Variants in EVL observed in about 807,000 individuals in gnomAD.
EVL encodes the protein ena/VASP-like protein.
EVL carries 21 observed loss-of-function variants against 59.6 expected under a neutral mutation model. The observed-to-expected ratio is 0.35, with a 90% CI of 0.25 to 0.51. The LOEUF is 0.51. Ranked by LOEUF, EVL falls within the 20% of genes least tolerant of loss-of-function variation. EVL has a pLI of 0.97. For missense variants in EVL, 462 were observed against 546.6 expected, an observed-to-expected ratio of 0.85 and a Z score of 1.54; for synonymous variants, 198 against 203.5, an observed-to-expected ratio of 0.97 and a Z score of 0.23.
intron 1 of EVL, among the ~76,000 whole-genome samples, chr14:100,081,919 GTAAAACCCTGTCTCTACTAAAATT>G (rs1394184385): frequency 1.3e-5 from 2 of 152,210 alleles, no homozygotes; most frequent in African/African-American, 4.8e-5. Flanking sequence ...GGGCAACATG[GTAAAACCCTGTCTCTACTAAAATT>G]TAAAACCCTG....
chr14:100,012,391 G>A (rs911607057), intron 1 of EVL, among the ~76,000 whole-genome samples: 2 of 152,144 alleles, frequency 1.3e-5, no homozygotes, highest in African/African-American at 2.4e-5. Flanking sequence ...TTTATTGAAT[G>A]TATGTATTTG....
chr14:99,985,780 A>T (rs1339294426), intron 1 of EVL, among the ~76,000 whole-genome samples: 1 of 152,056 alleles, frequency 6.6e-6, no homozygotes, highest in Non-Finnish European at 1.5e-5. Context: ...AAAGAAAAAA[A>T]AAAAAAAGTC....
At chr14:100,019,093 G>A (rs2061077607) in intron 1 of EVL, among the ~76,000 whole-genome samples, 1 of 152,222 alleles carries the variant, frequency 6.6e-6, no homozygotes, top group African/African-American at 2.4e-5. Flanking sequence ...ATGCATTTGT[G>A]CTAAAATAGT....
At chr14:100,044,374 T>C (rs1046456364) in intron 1 of EVL, among the ~76,000 whole-genome samples, 7 of 152,210 alleles carry the variant, frequency 4.6e-5, no homozygotes, top group Non-Finnish European at 8.8e-5. Flanking sequence ...GTATTTCTTA[T>C]ACAGAGATTT....
intron 1 of EVL, among the ~76,000 whole-genome samples, chr14:100,083,900 A>G (rs538726082): frequency 2.6e-5 from 4 of 152,304 alleles, no homozygotes; most frequent in Admixed American, 1.3e-4. Context: ...TCCCCAGTGT[A>G]ATCACTGAAT....
chr14:100,079,938 A>G (rs1026530733), intron 1 of EVL, among the ~76,000 whole-genome samples: 1 of 152,154 alleles, frequency 6.6e-6, no homozygotes, highest in Non-Finnish European at 1.5e-5. Context: ...GGCATGTTCC[A>G]TCACACCCAG....
intron 1 of EVL, among the ~76,000 whole-genome samples, chr14:100,033,525 T>A (rs1023569620): frequency 2.0e-5 from 3 of 152,244 alleles, no homozygotes; most frequent in African/African-American, 4.8e-5. Flanking sequence ...TTTGTTTTCA[T>A]CATTCCATAG....
Position 100,127,516 on chromosome 14 carries a change from C to G in EVL, c.487+745C>G, listed in dbSNP as rs1162637593. Among the ~76,000 whole-genome samples the G allele has an allele frequency of 1.3e-5, 2 of 152,188 alleles. No individual in the cohort carries two copies. ...CTGCTGCTGGCCTCCTGCTCCCCGG[C>G]CAGTCTGCATTTCTGATGCAGGTCT... is the stretch of plus-strand genomic sequence containing the variant. On this transcript the variant is annotated intron_variant, in intron 5 of 13. Coordinates refer to ENST00000392920, the MANE Select transcript of EVL (RefSeq NM_016337.3). The surrounding 1 kb of genome is among the most constrained non-coding windows in gnomAD (Gnocchi z 4.2).
chr14:100,021,957 T>C (rs1331231684), intron 1 of EVL, among the ~76,000 whole-genome samples: 1 of 151,906 alleles, frequency 6.6e-6, no homozygotes, highest in Non-Finnish European at 1.5e-5. Flanking sequence ...GGGATGAGAA[T>C]CAGAGAACTT....
chr14:100,111,925 C>T (rs2140347474), intron 3 of EVL, among the ~76,000 whole-genome samples: 1 of 152,338 alleles, frequency 6.6e-6, no homozygotes, highest in African/African-American at 2.4e-5. Flanking sequence ...AGACCCTGCT[C>T]AGCTGGCAGC....
intron 8 of EVL, 121 bp from the exon 9 acceptor site, chr14:100,135,784 T>C (rs1010958488): frequency 1.2e-6 from 1 of 860,878 alleles, no homozygotes; most frequent in African/African-American, 1.7e-5. Context: ...TTGCTAATTA[T>C]AAAAGTCATA....
chr14:100,083,832 G>T (rs1258864134), intron 1 of EVL, among the ~76,000 whole-genome samples: 1 of 152,170 alleles, frequency 6.6e-6, no homozygotes, highest in African/African-American at 2.4e-5. Context: ...TTTGTTGGAT[G>T]TTGCAAAGAA....
At chr14:100,105,928 G>A (rs1464122875) in intron 3 of EVL, 2 of 152,190 alleles carry the variant, frequency 1.3e-5, no homozygotes, top group South Asian at 2.1e-4. Context: ...TCCTTGAGTC[G>A]GGGGAGAACC....
intron 3 of EVL, among the ~76,000 whole-genome samples, chr14:100,101,120 G>A (rs1213152447): frequency 3.3e-5 from 5 of 152,274 alleles, no homozygotes; most frequent in East Asian, 3.9e-4. Flanking sequence ...AGCACTTTGG[G>A]AGGCCGAGGT....
At chr14:100,126,681 A>G in intron 4 of EVL, 26 bp from the exon 5 acceptor site, 1 of 1,613,442 alleles carries the variant, frequency 6.2e-7, no homozygotes. Flanking sequence ...GAGGAGTCAG[A>G]CTGCCCTGCT....
chr14:100,000,598 C>T (rs1193803715), intron 1 of EVL, among the ~76,000 whole-genome samples: 3 of 152,116 alleles, frequency 2.0e-5, no homozygotes, highest in Non-Finnish European at 4.4e-5. Context: ...CCGCCCACCT[C>T]GGCCTCCCAA....
At chr14:100,139,158 G>A (rs1317778019) in intron 11 of EVL, 1 of 152,388 alleles carries the variant, frequency 6.6e-6, no homozygotes, top group East Asian at 1.9e-4. Context: ...CGGCAGCAAG[G>A]GGAGCCTGCA....
intron 8 of EVL, 126 bp from the exon 9 acceptor site, chr14:100,135,779 A>T: frequency 8.5e-6 from 7 of 820,058 alleles, no homozygotes; most frequent in Non-Finnish European, 1.0e-5. Context: ...ATGTTTTGCT[A>T]ATTATAAAAG....
intron 12 of EVL, among the ~76,000 whole-genome samples, 171 bp downstream of exon 12, chr14:100,141,417 C>G (rs964240134): frequency 3.3e-5 from 5 of 152,214 alleles, no homozygotes; most frequent in African/African-American, 1.2e-4. Context: ...TCCTTTGTCC[C>G]CAGCCCCTGC....
Sources: allele counts gnomAD v4.1 joint callset (sites outside exome capture counted in the v4.1 genomes callset), GRCh38; gene constraint gnomAD v4.1.1; non-coding constraint Gnocchi (gnomAD v3.1); transcripts MANE v1.5; gene names NCBI Gene and HGNC (gene_info 2026-07-23, HGNC 2026-07-21).